PPP1R10: variants seen among roughly 807,000 people sequenced by gnomAD.
The protein encoded by PPP1R10 is protein phosphatase 1 regulatory subunit 10.
Under a neutral mutation model 99.0 loss-of-function variants are expected in PPP1R10, and 15 were observed. The observed-to-expected ratio is 0.15, with a 90% CI of 0.10 to 0.23. The LOEUF (loss-of-function observed/expected upper bound fraction) is 0.23, where lower values mean the gene tolerates loss of function less well. Ranked by LOEUF, PPP1R10 falls within the 10% of genes least tolerant of loss-of-function variation. The pLI is 1.00. For missense variants in PPP1R10, 947 were observed against 1,259.4 expected (o/e 0.75, Z 3.75); for synonymous variants, 430 against 449.5 (o/e 0.96, Z 0.55).
chr6:30,601,795 GA>G (rs1472297508), intron 19 of PPP1R10, 137 bp from the exon 20 acceptor site: 2 of 1,278,786 alleles, frequency 1.6e-6, no homozygotes, highest in African/African-American at 3.0e-5. Flanking sequence ...CATAGAGTAG[GA>G]ACTGCTATGC....
rs1804256871 is a variant in PPP1R10, at chr6:30,608,924, G to C, written c.195-10C>G. On this transcript the variant is annotated splice_polypyrimidine_tract_variant and intron_variant, in intron 4 of 19. Transcript: ENST00000376511. ...GCCAACGTCAATAAATCTGCAGGCAGGCAGGAGAGTCTATCAGTAATGCCC... is the reference window on the plus strand; with the variant it reads ...GCCAACGTCAATAAATCTGCAGGCACGCAGGAGAGTCTATCAGTAATGCCC... 6.2e-7 allele frequency: 1 copy of C among 1,614,108 alleles called. No individual in the cohort carries two copies. The highest frequency in any genetic ancestry group is 8.5e-7 in the Non-Finnish European group (1 of 1,180,026).
In PPP1R10 at chr6:30,601,088, A is replaced by G. The variant is rs1254344900; in HGVS notation, c.*461T>C. The G allele has an allele frequency of 6.0e-6, 1 of 167,020 alleles. No homozygotes were observed. The highest frequency in any genetic ancestry group is 2.4e-5 in the African/African-American group (1 of 41,762). The allele number at this position is 167,020 out of a possible 1,614,324, so 10.3% of individuals were successfully genotyped here. On this transcript the variant is annotated 3_prime_UTR_variant, in exon 20 of 20. Transcript: ENST00000376511. ...TGGGATATACAATACCCCTTTCAGC[A>G]TCTCCCCACCCCATGAGGAATAATG...
intron 2 of PPP1R10, among the ~76,000 whole-genome samples, chr6:30,613,487 T>A (rs1804760889): frequency 6.6e-6 from 1 of 152,202 alleles, no homozygotes; most frequent in South Asian, 2.1e-4. Context: ...GAATTATGTC[T>A]CTCAGGTGAT....
chr6:30,607,794 G>A lies in PPP1R10; in HGVS notation c.382+46C>T, dbSNP rs186674570. ...GAAAAGATATTAAGGTAATTAAGTG[G>A]AAGTAATAGAGAAAAGCCCATGAGA... On this transcript the variant is annotated intron_variant, in intron 6 of 19. Transcript: ENST00000376511. The A allele has an allele frequency of 2.8e-4, 443 of 1,562,700 alleles. No individual in the cohort carries two copies. The African/African-American group carries it at 5.3e-3, about 19-fold the overall frequency.
Position 30,609,243 on chromosome 6 carries a change from T to A in PPP1R10, c.108-80A>T. 1 of 1,290,514 alleles carries A rather than the reference T, an allele frequency of 7.7e-7. No homozygotes were observed. The highest frequency in any genetic ancestry group is 1.1e-6 in the Non-Finnish European group (1 of 897,120). The allele number at this position is 1,290,514 out of a possible 1,614,324, so 79.9% of individuals were successfully genotyped here. On this transcript the variant is annotated intron_variant, in intron 3 of 19. Transcript: ENST00000376511. This position sits in a 1 kb window ranked among gnomAD's most constrained non-coding sequence, Gnocchi z 4.5. ...CAAAAGCGCCTCTCTGTGAACTGCC[T>A]AGAGATTCCTAATGACTTGGGACTT...
chr6:30,614,527 AG>A (rs1804884520), intron 2 of PPP1R10: 1 of 152,186 alleles, frequency 6.6e-6, no homozygotes. Flanking sequence ...GCGATTTAGA[AG>A]AAAGTCCTAA....
Position 30,606,595 on chromosome 6 carries a change from G to C in PPP1R10, c.507C>G (p.Thr169=). ...CCTCTGTCAAAGGTCGCTCAGGAAG[G>C]GTAGTTCGACTTTTTCCTTCATCTT... ...KRKDEGKSRT[T]LPERPLTEVK... Residue 169 remains threonine, a synonymous_variant, in exon 8 of 20, where the codon ACC becomes ACG. Coordinates refer to ENST00000376511, the MANE Select transcript of PPP1R10 (RefSeq NM_002714.4). The surrounding 1 kb of genome is among the most constrained non-coding windows in gnomAD (Gnocchi z 6.3). The C allele has an allele frequency of 6.2e-7, 1 of 1,614,152 alleles. No individual in the cohort carries two copies. Among genetic ancestry groups the C allele is most frequent in the Non-Finnish European group, 8.5e-7 (1 of 1,180,014 alleles).
At chr6:30,605,785 G>T in intron 10 of PPP1R10, 138 bp downstream of exon 10, 1 of 808,904 alleles carries the variant, frequency 1.2e-6, no homozygotes, top group South Asian at 1.7e-5. Flanking sequence ...GCGTGAACCC[G>T]GGAGGCGGAG....
In PPP1R10 at chr6:30,604,621, G is replaced by A; in HGVS notation, c.1069C>T (p.Pro357Ser). Residue 357 changes from proline to serine, a missense_variant, in exon 12 of 20, where the codon CCC becomes TCC. Pro to Ser is a moderately conservative substitution (Grantham distance 74, BLOSUM62 -1). This residue lies in a region of PPP1R10 where 100 missense variants were observed against 105.8 expected (regional missense o/e 0.94). Transcript: ENST00000376511. This position sits in a 1 kb window ranked among gnomAD's most constrained non-coding sequence, Gnocchi z 7.3. ...MDADRPGTPV[P>S]PVEVPELMDT... ...ATGAGCTCCGGGACTTCAACAGGGGGAACCGGGGTGCCTGGACGGTCTGCG... is the reference window on the plus strand; with the variant it reads ...ATGAGCTCCGGGACTTCAACAGGGGAAACCGGGGTGCCTGGACGGTCTGCG... 6.2e-7 allele frequency: 1 copy of A among 1,613,102 alleles called. No homozygotes were observed. The highest frequency in any genetic ancestry group is 2.2e-5 in the East Asian group (1 of 44,886).
At chr6:30,616,308 C>T (rs1269918560) in intron 2 of PPP1R10, among the ~76,000 whole-genome samples, 170 bp downstream of exon 2, 1 of 152,204 alleles carries the variant, frequency 6.6e-6, no homozygotes, top group Admixed American at 6.5e-5. Context: ...GAGAACAAGA[C>T]TGTTTAGACC....
In PPP1R10 at chr6:30,606,329, C is replaced by G; in HGVS notation, c.635-86G>C. 6 of 1,562,766 alleles carry G rather than the reference C, an allele frequency of 3.8e-6. No homozygotes were observed. The highest frequency in any genetic ancestry group is 5.2e-6 in the Non-Finnish European group (6 of 1,145,030). On this transcript the variant is annotated intron_variant, in intron 8 of 19. Transcript: ENST00000376511. The surrounding 1 kb of genome is among the most constrained non-coding windows in gnomAD (Gnocchi z 6.3). ...CCCGTTCTCACCCGCAAATGTTCTT[C>G]TAGCCTTGTAACCAAAGCTTCCTCT...
At chr6:30,610,760 G>A (rs775129440) in intron 2 of PPP1R10, among the ~76,000 whole-genome samples, 1 of 152,144 alleles carries the variant, frequency 6.6e-6, no homozygotes, top group Non-Finnish European at 1.5e-5. Context: ...CAAAAATCAC[G>A]CTGTACAAGA....
At chr6:30,610,706 GGTTT>G (rs1233026945) in intron 2 of PPP1R10, among the ~76,000 whole-genome samples, 1 of 152,146 alleles carries the variant, frequency 6.6e-6, no homozygotes, top group African/African-American at 2.4e-5. Context: ...GGAAGCTAGT[GGTTT>G]GTGCTTTCAA....
Position 30,602,794 on chromosome 6 carries a change from C to G in PPP1R10, c.1957+52G>C. The G allele has an allele frequency of 6.5e-7, 1 of 1,546,330 alleles. No individual in the cohort carries two copies. Among genetic ancestry groups the G allele is most frequent in the Non-Finnish European group, 8.8e-7 (1 of 1,139,312 alleles). ...CTTCCAGTCAATCCTATACTATTATCAGACTGAAATTAAGCAGATAAGCCC... is the reference window on the plus strand; with the variant it reads ...CTTCCAGTCAATCCTATACTATTATGAGACTGAAATTAAGCAGATAAGCCC... On this transcript the variant is annotated intron_variant, in intron 18 of 19. Coordinates refer to ENST00000376511, the MANE Select transcript of PPP1R10 (RefSeq NM_002714.4). The surrounding 1 kb of genome is among the most constrained non-coding windows in gnomAD (Gnocchi z 6.7).
At chr6:30,614,135 C>G (rs987123522) in intron 2 of PPP1R10, among the ~76,000 whole-genome samples, 2 of 152,154 alleles carry the variant, frequency 1.3e-5, no homozygotes, top group Non-Finnish European at 2.9e-5. Flanking sequence ...AGGAACCAGA[C>G]ACCCAATACC....
At chr6:30,603,003 G>C in intron 17 of PPP1R10, 44 bp from the exon 18 acceptor site, 1 of 1,476,974 alleles carries the variant, frequency 6.8e-7, no homozygotes, top group Non-Finnish European at 9.1e-7. Context: ...CACTCTAGAA[G>C]ACTAGCATGA....
chr6:30,612,377 G>A (rs1239576117), intron 2 of PPP1R10, among the ~76,000 whole-genome samples: 1 of 152,136 alleles, frequency 6.6e-6, no homozygotes, highest in Non-Finnish European at 1.5e-5. Context: ...GAGGATGGGA[G>A]ACAAGAAAGA....
chr6:30,611,248 T>C (rs1804522898), intron 2 of PPP1R10, among the ~76,000 whole-genome samples: 1 of 152,196 alleles, frequency 6.6e-6, no homozygotes, highest in Non-Finnish European at 1.5e-5. Context: ...ATACTGAGGC[T>C]ACAATGAGCT....
intron 2 of PPP1R10, among the ~76,000 whole-genome samples, chr6:30,613,450 C>G (rs185551792): frequency 6.6e-6 from 1 of 152,210 alleles, no homozygotes; most frequent in Non-Finnish European, 1.5e-5. Flanking sequence ...GTTTTAGGCA[C>G]TTCCTAGTTT....
Sources: gnomAD v4.1 joint callset for allele counts (sites outside exome capture counted in the v4.1 genomes callset) on GRCh38, gnomAD v4.1.1 for gene constraint, gnomAD v4.1.1 regional missense constraint, Gnocchi (gnomAD v3.1) non-coding constraint, MANE v1.5 for transcripts, NCBI Gene and HGNC (gene_info 2026-07-23, HGNC 2026-07-21) for gene names.